Variants in FAT3 observed in about 807,000 individuals in gnomAD.
The protein encoded by FAT3 is FAT atypical cadherin 3, also known as protocadherin Fat 3.
A neutral mutation model predicts 310.2 loss-of-function variants in FAT3; 95 were observed. The observed-to-expected ratio is 0.31, with a 90% CI of 0.26 to 0.36. The LOEUF is 0.36. Among genes scored for constraint, FAT3 ranks in the 10% least tolerant of loss-of-function variants. The pLI is 1.00. For missense variants in FAT3, 5,408 were observed against 5,715.6 expected, an observed-to-expected ratio of 0.95 and a Z score of 1.74; for synonymous variants, 2,314 against 2,192.9, an observed-to-expected ratio of 1.06 and a Z score of -1.54.
chr11:92,836,662 T>C lies in FAT3; in HGVS notation c.10183T>C (p.Leu3395=), dbSNP rs749008110. The C allele has an allele frequency of 1.9e-6, 3 of 1,613,674 alleles. No individual in the cohort carries two copies. The highest frequency in any genetic ancestry group is 2.5e-6 in the Non-Finnish European group (3 of 1,179,734). The change falls in exon 16 of 28, where the codon TTG becomes CTG. Residue 3395 remains leucine (L), a synonymous_variant. Transcript: ENST00000525166. ...RDNEFTVDPV[L]GLVKVKKKLD... ...CAATGAATTTACTGTAGATCCTGTCTTGGGACTTGTGAAAGTTAAGAAGAA... is the reference window on the plus strand; with the variant it reads ...CAATGAATTTACTGTAGATCCTGTCCTGGGACTTGTGAAAGTTAAGAAGAA...
At chr11:92,443,680 A>G (rs184925859) in intron 2 of FAT3, among the ~76,000 whole-genome samples, 33 of 152,290 alleles carry the variant, frequency 2.2e-4, no homozygotes, top group Admixed American at 1.7e-3. Context: ...AAACTGATCT[A>G]TTCTGTGTGG....
intron 2 of FAT3, among the ~76,000 whole-genome samples, chr11:92,489,223 G>C (rs897506773): frequency 2.0e-5 from 3 of 152,072 alleles, no homozygotes; most frequent in Admixed American, 6.6e-5. Context: ...GCCCACTCTT[G>C]CTTCTCATGT....
At chr11:92,571,941 C>A (rs912804376) in intron 3 of FAT3, among the ~76,000 whole-genome samples, 9 of 152,226 alleles carry the variant, frequency 5.9e-5, no homozygotes, top group African/African-American at 2.2e-4. Context: ...AGAACTTTAA[C>A]ATTTCACTGT....
intron 3 of FAT3, among the ~76,000 whole-genome samples, chr11:92,579,375 C>T (rs2135527302): frequency 6.6e-6 from 1 of 152,114 alleles, no homozygotes; most frequent in Non-Finnish European, 1.5e-5. Context: ...ATAGGTAGTG[C>T]CCAAGGGAGA....
rs1947353437 is a variant in FAT3 at position 92,801,534 on chromosome 11, A to G, written c.8521A>G (p.Met2841Val). 1 of 1,609,158 alleles carries G rather than the reference A, an allele frequency of 6.2e-7. No homozygotes were observed. Residue 2841 changes from methionine to valine, a missense_variant, in exon 10 of 28, where the codon ATG becomes GTG. Met to Val is a conservative substitution (Grantham distance 21, BLOSUM62 1). Around this residue, in one of 5 missense-constraint regions of FAT3, gnomAD observed 4,588 missense variants for 4,809.8 expected, o/e 0.95. Transcript: ENST00000525166. ...TKLTQVRAID[M>V]DWGANGQVTY... ...ACTCACACAAGTGAGAGCTATTGAT[A>G]TGGACTGGGGAGCCAATGGACAAGT...
chr11:92,807,549 G>T (rs141438220), intron 12 of FAT3, among the ~76,000 whole-genome samples: 3 of 152,112 alleles, frequency 2.0e-5, no homozygotes, highest in African/African-American at 7.2e-5. Flanking sequence ...GTATATGCTC[G>T]TAACAGGTAT....
At chr11:92,307,725 A>C (rs575467149) in intron 1 of FAT3, among the ~76,000 whole-genome samples, 1 of 152,186 alleles carries the variant, frequency 6.6e-6, no homozygotes, top group Non-Finnish European at 1.5e-5. Flanking sequence ...AAAATACAGG[A>C]TCAAGCCAAG....
intron 4 of FAT3, among the ~76,000 whole-genome samples, chr11:92,705,204 T>C (rs985336764): frequency 6.6e-6 from 1 of 152,172 alleles, no homozygotes; most frequent in African/African-American, 2.4e-5. Flanking sequence ...TTAAAATTCA[T>C]GTCATTCTTA....
intron 2 of FAT3, among the ~76,000 whole-genome samples, chr11:92,418,086 C>T (rs1950454635): frequency 6.6e-6 from 1 of 152,140 alleles, no homozygotes; most frequent in South Asian, 2.1e-4. Flanking sequence ...TCCCACTTGC[C>T]TCTTGATCAA....
chr11:92,770,528 C>A (rs1946431337), intron 6 of FAT3, among the ~76,000 whole-genome samples: 1 of 152,148 alleles, frequency 6.6e-6, no homozygotes, highest in African/African-American at 2.4e-5. Flanking sequence ...ACATGCGGAA[C>A]CTGAATCAAC....
intron 1 of FAT3, among the ~76,000 whole-genome samples, chr11:92,337,604 G>A (rs1948123413): frequency 2.6e-5 from 4 of 152,254 alleles, no homozygotes; most frequent in Middle Eastern, 3.4e-3. Context: ...GCTAATTTTT[G>A]TATTTTTAGT....
intron 2 of FAT3, among the ~76,000 whole-genome samples, chr11:92,507,943 A>G (rs1953171671): frequency 1.3e-5 from 2 of 152,100 alleles, no homozygotes; most frequent in Non-Finnish European, 2.9e-5. Context: ...TTGTGTCAAC[A>G]CTGGTCAAAG....
At chr11:92,451,108 A>G (rs1198116996) in intron 2 of FAT3, among the ~76,000 whole-genome samples, 1 of 152,120 alleles carries the variant, frequency 6.6e-6, no homozygotes, top group Non-Finnish European at 1.5e-5. Flanking sequence ...TGATTTTGCA[A>G]AGTGATTTTT....
At chr11:92,316,666 G>C (rs1947470869) in intron 1 of FAT3, among the ~76,000 whole-genome samples, 1 of 152,048 alleles carries the variant, frequency 6.6e-6, no homozygotes, top group Admixed American at 6.6e-5. Context: ...GGAATTGCAT[G>C]ATGCCCACCT....
chr11:92,757,783 G>T (rs1052815486), intron 4 of FAT3, among the ~76,000 whole-genome samples: 5 of 152,266 alleles, frequency 3.3e-5, no homozygotes, highest in African/African-American at 1.2e-4. Flanking sequence ...AAAAGACAAG[G>T]TTCCTGCTTT....
intron 2 of FAT3, among the ~76,000 whole-genome samples, chr11:92,499,496 A>G (rs1003181084): frequency 3.7e-4 from 57 of 152,116 alleles, no homozygotes; most frequent in African/African-American, 1.3e-3. Flanking sequence ...GGTTTTGATT[A>G]TTCAAGAACT....
chr11:92,689,469 C>T (rs1285609142), intron 3 of FAT3, among the ~76,000 whole-genome samples: 1 of 152,184 alleles, frequency 6.6e-6, no homozygotes, highest in Non-Finnish European at 1.5e-5. Context: ...GGTTCGCCAT[C>T]TGTGGCTTAA....
intron 1 of FAT3, among the ~76,000 whole-genome samples, chr11:92,329,350 C>T (rs1182717049): frequency 6.6e-6 from 1 of 151,872 alleles, no homozygotes; most frequent in East Asian, 1.9e-4. Flanking sequence ...TTAAAAAGAG[C>T]CTGGCATCTC....
intron 2 of FAT3, among the ~76,000 whole-genome samples, chr11:92,482,748 C>G (rs559727929): frequency 3.9e-5 from 6 of 152,184 alleles, no homozygotes; most frequent in East Asian, 1.9e-4. Flanking sequence ...GTCTCTCTCT[C>G]TCTTTTGTGC....
Sources: allele counts gnomAD v4.1 joint callset (sites outside exome capture counted in the v4.1 genomes callset), GRCh38; gene constraint gnomAD v4.1.1; regional missense constraint gnomAD v4.1.1; transcripts MANE v1.5; gene names NCBI Gene and HGNC (gene_info 2026-07-23, HGNC 2026-07-21).